ZNF782: variants seen among roughly 807,000 people sequenced by gnomAD.
ZNF782 encodes zinc finger protein 782.
In ZNF782, 12 loss-of-function variants were observed where a neutral mutation model predicts 13.0. That is an observed-to-expected ratio of 0.92 (90% CI 0.59 to 1.50). The LOEUF (loss-of-function observed/expected upper bound fraction) is 1.50, where lower values mean the gene tolerates loss of function less well. Among genes scored for constraint, ZNF782 ranks in the 40% most tolerant of loss-of-function variants. ZNF782 has a pLI of 0.00. For missense variants in ZNF782, 770 were observed against 822.9 expected, an observed-to-expected ratio of 0.94 and a Z score of 0.79; for synonymous variants, 284 against 283.0, an observed-to-expected ratio of 1.00 and a Z score of -0.04.
In ZNF782 at chr9:96,845,010, C is replaced by T. The variant is rs1283577519; in HGVS notation, c.22G>A (p.Val8Met). Residue 8 changes from valine (V) to methionine (M), a missense_variant, in exon 4 of 6, where the codon GTG becomes ATG. Physicochemically the swap from Val to Met is conservative, Grantham distance 21 (BLOSUM62 1). Transcript: ENST00000481138. MNTFQAS[V>M]SFQDVTVEFS... ...TCCACAGTCACGTCCTGGAATGACA[C>T]TGATGCCTGTAACAGCGCATTTCTA... 6.2e-7 allele frequency: 1 copy of T among 1,613,986 alleles called. No homozygotes were observed.
At chr9:96,902,977 ATTTTTTG>A in the ZNF782 span, 2 of 150,482 alleles carry the variant, frequency 1.3e-5, no homozygotes, top group African/African-American at 2.5e-5. Context: ...TAATTTTTCT[ATTTTTTG>A]TAGAGATGGG....
chr9:96,902,117 C>T, the ZNF782 span, among the ~76,000 whole-genome samples: 1 of 151,940 alleles, frequency 6.6e-6, no homozygotes, highest in Non-Finnish European at 1.5e-5. Flanking sequence ...GGAGAACGGT[C>T]TATGAGGTCA....
At chr9:96,830,030 A>C (rs1046377127) in intron 4 of ZNF782, among the ~76,000 whole-genome samples, 3 of 152,190 alleles carry the variant, frequency 2.0e-5, no homozygotes, top group Non-Finnish European at 4.4e-5. Flanking sequence ...ATATATTCCA[A>C]ATTAGAAGCT....
chr9:96,899,140 T>A, the ZNF782 span, among the ~76,000 whole-genome samples: 9 of 150,704 alleles, frequency 6.0e-5, no homozygotes, highest in African/African-American at 2.2e-4. Context: ...TTATTTAACT[T>A]ACTATAATGT....
chr9:96,834,715 A>G (rs951778181), intron 4 of ZNF782, among the ~76,000 whole-genome samples: 2 of 152,204 alleles, frequency 1.3e-5, no homozygotes, highest in African/African-American at 2.4e-5. Context: ...AAAATCACCT[A>G]GTCTCACTTG....
At chr9:96,920,096 C>T in the ZNF782 span, among the ~76,000 whole-genome samples, 1 of 150,220 alleles carries the variant, frequency 6.7e-6, no homozygotes, top group Non-Finnish European at 1.5e-5. Context: ...AATATGCCAA[C>T]AACCTGATGC....
chr9:96,879,280 A>G (rs1001522757), upstream of ZNF782, among the ~76,000 whole-genome samples: 1 of 152,218 alleles, frequency 6.6e-6, no homozygotes, highest in Non-Finnish European at 1.5e-5. Flanking sequence ...CGAGGTCAAG[A>G]GATCGAGACC....
chr9:96,836,374 T>G (rs1346199501), intron 4 of ZNF782, among the ~76,000 whole-genome samples: 1 of 152,112 alleles, frequency 6.6e-6, no homozygotes, highest in South Asian at 2.1e-4. Flanking sequence ...CACATCTGGC[T>G]AATTTTTGTA....
chr9:96,824,063 C>G (rs1271236011), intron 5 of ZNF782, among the ~76,000 whole-genome samples: 1 of 152,062 alleles, frequency 6.6e-6, no homozygotes, highest in Non-Finnish European at 1.5e-5. Flanking sequence ...ATGAGGCCAG[C>G]ATCATCCTGA....
chr9:96,872,530 C>CAAA (rs34362915), intron 1 of ZNF782, among the ~76,000 whole-genome samples: 2 of 138,698 alleles, frequency 1.4e-5, no homozygotes, highest in Non-Finnish European at 1.6e-5. Context: ...GACTCTGTCT[C>CAAA]AAAAAAAAAA....
chr9:96,817,860 T>G lies in ZNF782; in HGVS notation c.*63A>C. On this transcript the variant is annotated 3_prime_UTR_variant, in exon 6 of 6. Transcript: ENST00000481138. Reference sequence around the variant, plus strand: ...TTAACAGTTCTCTCCTGTGTGTTCATTTATGTATTGTGAGGTTTGATTTCC... The same window carrying G: ...TTAACAGTTCTCTCCTGTGTGTTCAGTTATGTATTGTGAGGTTTGATTTCC... 1 of 1,407,816 alleles carries G rather than the reference T, an allele frequency of 7.1e-7. No homozygotes were observed. The highest frequency in any genetic ancestry group is 9.6e-7 in the Non-Finnish European group (1 of 1,039,664). The allele number at this position is 1,407,816 out of a possible 1,614,324, so 87.2% of individuals were successfully genotyped here.
chr9:96,931,724 T>C, the ZNF782 span: 8 of 1,611,402 alleles, frequency 5.0e-6, no homozygotes, highest in Non-Finnish European at 5.1e-6. Context: ...CTCCACAGCA[T>C]ACCCAGTGCT....
At chr9:96,921,938 C>T in the ZNF782 span, among the ~76,000 whole-genome samples, 9 of 151,126 alleles carry the variant, frequency 6.0e-5, no homozygotes, top group African/African-American at 1.7e-4. Context: ...ATGATCCACC[C>T]GCCTTGGCCT....
the ZNF782 span, among the ~76,000 whole-genome samples, chr9:96,901,576 A>T: frequency 5.9e-5 from 9 of 152,002 alleles, no homozygotes; most frequent in Admixed American, 1.3e-4. Context: ...CCAGCCTGAT[A>T]AAAAAACTTT....
upstream of ZNF782, among the ~76,000 whole-genome samples, chr9:96,855,691 A>G (rs1471493038): frequency 1.3e-5 from 2 of 152,230 alleles, no homozygotes; most frequent in African/African-American, 2.4e-5. Context: ...CGTTTTTGCA[A>G]TCGCAAATTG....
rs1851300531 is a variant in ZNF782, at chr9:96,844,930, T to C, written c.102A>G (p.Arg34=). 1 of 1,613,928 alleles carries C rather than the reference T, an allele frequency of 6.2e-7. No homozygotes were observed. Among genetic ancestry groups the C allele is most frequent in the South Asian group, 1.1e-5 (1 of 91,072 alleles). Residue 34 remains arginine (R), a synonymous_variant, in exon 4 of 6, where the codon AGA becomes AGG. Coordinates refer to ENST00000481138, the MANE Select transcript of ZNF782 (RefSeq NM_001001662.3). Reference sequence around the variant, plus strand: ...GGCTGTAGTTCTCCAGCATCACATCTCTGTACAGGGTCCTCTCAACAGGGC... The same window carrying C: ...GGCTGTAGTTCTCCAGCATCACATCCCTGTACAGGGTCCTCTCAACAGGGC... ...HMGPVERTLY[R]DVMLENYSHL...
chr9:96,915,353 T>C, the ZNF782 span, among the ~76,000 whole-genome samples: 1 of 151,700 alleles, frequency 6.6e-6, no homozygotes, highest in Non-Finnish European at 1.5e-5. Flanking sequence ...GGTAGAGCTG[T>C]TGTAATTGTG....
the ZNF782 span, chr9:96,897,921 G>T: frequency 6.6e-6 from 1 of 151,344 alleles, no homozygotes; most frequent in African/African-American, 2.5e-5. Context: ...CTTAAGAAAA[G>T]AATAAAATCA....
chr9:96,838,228 G>C (rs1029473630), intron 4 of ZNF782, among the ~76,000 whole-genome samples: 1 of 152,166 alleles, frequency 6.6e-6, no homozygotes, highest in Non-Finnish European at 1.5e-5. Context: ...GGTATGGTTT[G>C]AAAGCACACT....
Sources: allele counts gnomAD v4.1 joint callset (sites outside exome capture counted in the v4.1 genomes callset), GRCh38; gene constraint gnomAD v4.1.1; transcripts MANE v1.5; gene names NCBI Gene and HGNC (gene_info 2026-07-23, HGNC 2026-07-21).